TRPM4: variants seen among roughly 807,000 people sequenced by gnomAD.
TRPM4 encodes calcium-activated non-selective cation channel 1.
A neutral mutation model predicts 135.6 loss-of-function variants in TRPM4; 124 were observed. The ratio of observed to expected loss-of-function variants is 0.91; its 90% confidence interval spans 0.79 to 1.06. TRPM4 has a LOEUF of 1.06. Ranked by LOEUF, TRPM4 falls within the 50% of genes least tolerant of loss-of-function variation. The pLI, the probability that TRPM4 is intolerant of heterozygous loss-of-function variation, is 0.00. For missense variants in TRPM4, 1,658 were observed against 1,671.4 expected (o/e 0.99, Z 0.14); for synonymous variants, 745 against 705.6 (o/e 1.06, Z -0.88).
chr19:49,170,007 A>G (rs1568460973), intron 6 of TRPM4, among the ~76,000 whole-genome samples: 2 of 151,738 alleles, frequency 1.3e-5, no homozygotes, highest in African/African-American at 2.4e-5. Context: ...GGGTTTTCCA[A>G]TTTTCTGGGA....
intron 3 of TRPM4, among the ~76,000 whole-genome samples, chr19:49,166,910 CTGTTTCTCCGGGTCTCCGT>C (rs1967212452): frequency 6.7e-6 from 1 of 149,536 alleles, no homozygotes; most frequent in Non-Finnish European, 1.5e-5. Context: ...GGGTCTCTGT[CTGTTTCTCCGGGTCTCCGT>C]CCCTGTCTCT....
At chr19:49,169,999 G>A (rs1179120406) in intron 6 of TRPM4, among the ~76,000 whole-genome samples, 1 of 151,880 alleles carries the variant, frequency 6.6e-6, no homozygotes, top group South Asian at 2.1e-4. Flanking sequence ...TTTTGGTGGG[G>A]TTTTCCAATT....
chr19:49,189,081 A>T lies in TRPM4; in HGVS notation c.2009A>T (p.Asp670Val). 6.2e-7 allele frequency: 1 copy of T among 1,614,044 alleles called. No homozygotes were observed. Among genetic ancestry groups the T allele is most frequent in the Non-Finnish European group, 8.5e-7 (1 of 1,180,018 alleles). The change falls in exon 14 of 25, where the codon GAT (aspartate) becomes GTT (valine). Residue 670 changes from aspartate to valine, a missense_variant. This residue lies in a region of TRPM4 where 1,412 missense variants were observed against 1,408.7 expected (regional missense o/e 1.00). Transcript: ENST00000252826. ...QADARAFFAQ[D>V]GVQSLLTQKW... is the part of the protein sequence containing the mutation. Reference sequence around the variant, plus strand: ...GACGCCCGTGCCTTCTTTGCCCAGGATGGGGTACAGGTGAGTATCTGCGAC... The same window carrying T: ...GACGCCCGTGCCTTCTTTGCCCAGGTTGGGGTACAGGTGAGTATCTGCGAC...
chr19:49,200,698 G>T lies in TRPM4; in HGVS notation c.2866G>T (p.Asp956Tyr), dbSNP rs1968894169. ...CACGGAGGGGCTCCTGAGGCCACGG[G>T]ACAGTGACTTCCCAAGTATCCTGCG... ...VATEGLLRPRDSDFPSILRRV... is the reference protein window; with the variant it reads ...VATEGLLRPRYSDFPSILRRV... Residue 956 changes from aspartate (D) to tyrosine (Y), a missense_variant, in exon 19 of 25, where the codon GAC (aspartate) becomes TAC (tyrosine). Around this residue, in one of 3 missense-constraint regions of TRPM4, gnomAD observed 1,412 missense variants for 1,408.7 expected, o/e 1.00. Transcript: ENST00000252826. The T allele has an allele frequency of 6.2e-7, 1 of 1,614,094 alleles. No homozygotes were observed. Among genetic ancestry groups the T allele is most frequent in the Non-Finnish European group, 8.5e-7 (1 of 1,180,026 alleles).
intron 6 of TRPM4, among the ~76,000 whole-genome samples, chr19:49,169,891 C>G (rs547888972): frequency 1.3e-5 from 2 of 152,188 alleles, no homozygotes; most frequent in South Asian, 4.1e-4. Context: ...AAAACATGAA[C>G]AAGATACATT....
At chr19:49,208,176 G>A (rs997904605) in intron 20 of TRPM4, among the ~76,000 whole-genome samples, 2 of 152,162 alleles carry the variant, frequency 1.3e-5, no homozygotes, top group Admixed American at 1.3e-4. Context: ...GGCAGAGCCA[G>A]CTGTACAGAG....
chr19:49,181,849 G>A (rs1207471002), intron 10 of TRPM4, among the ~76,000 whole-genome samples: 1 of 151,724 alleles, frequency 6.6e-6, no homozygotes, highest in Non-Finnish European at 1.5e-5. Context: ...CTTCTTAGAC[G>A]CCCCTCAACC....
intron 20 of TRPM4, 45 bp downstream of exon 20, chr19:49,202,186 C>G (rs542605774): frequency 1.2e-6 from 2 of 1,605,248 alleles, no homozygotes; most frequent in Non-Finnish European, 1.7e-6. Context: ...CAGCATGACC[C>G]GTGGCCCTCT....
chr19:49,208,509 CTG>C (rs1391582931), intron 20 of TRPM4, among the ~76,000 whole-genome samples: 1 of 142,466 alleles, frequency 7.0e-6, no homozygotes, highest in Non-Finnish European at 1.5e-5. Flanking sequence ...GGCTCACACT[CTG>C]TCTTCTGGTC....
intron 17 of TRPM4, among the ~76,000 whole-genome samples, chr19:49,197,334 TTC>T (rs1428403317): frequency 1.5e-5 from 2 of 130,134 alleles, no homozygotes; most frequent in African/African-American, 4.0e-5. Flanking sequence ...CTTTCTTTCT[TTC>T]TTTCTTTCTT....
chr19:49,168,862 C>A, intron 6 of TRPM4, 126 bp downstream of exon 6: 1 of 1,076,082 alleles, frequency 9.3e-7, no homozygotes, highest in African/African-American at 1.6e-5. Context: ...CTTTCCCCGT[C>A]ATTATTCATG....
At chr19:49,202,882 T>TTC (rs1968989795) in intron 20 of TRPM4, among the ~76,000 whole-genome samples, 1 of 58,304 alleles carries the variant, frequency 1.7e-5, no homozygotes, top group African/African-American at 1.3e-4. Context: ...TTTTTACTTC[T>TTC]TTTTTTTTTT....
intron 20 of TRPM4, among the ~76,000 whole-genome samples, chr19:49,205,647 T>A (rs191501175): frequency 2.2e-3 from 323 of 150,070 alleles, no homozygotes; most frequent in Non-Finnish European, 3.6e-3. Context: ...GGGATTCTCC[T>A]GCCTCAGCCT....
chr19:49,183,327 C>T, intron 12 of TRPM4, 115 bp downstream of exon 12: 28 of 1,356,810 alleles, frequency 2.1e-5, no homozygotes, highest in Non-Finnish European at 2.5e-5. Context: ...ACAGGCGCCC[C>T]ATCCTCCGTC....
chr19:49,183,152 C>A lies in TRPM4; in HGVS notation c.1683C>A (p.Asp561Glu), dbSNP rs541736303. Residue 561 changes from aspartate (D) to glutamate (E), a missense_variant, in exon 12 of 25, where the codon GAC (aspartate) becomes GAA (glutamate). Transcript: ENST00000252826. ...GCCTCGGGCAGGCCCCCTGGAGCGA[C>A]CTGCTTCTTTGGGCACTGTTGCTGA... ...DAGLGQAPWS[D>E]LLLWALLLNR... 3 of 1,613,984 alleles carry A rather than the reference C, an allele frequency of 1.9e-6. No individual in the cohort carries two copies. The highest frequency in any genetic ancestry group is 1.7e-6 in the Non-Finnish European group (2 of 1,180,034).
chr19:49,195,649 C>T (rs1045931037), intron 16 of TRPM4, among the ~76,000 whole-genome samples: 1 of 151,004 alleles, frequency 6.6e-6, no homozygotes, highest in African/African-American at 2.4e-5. Flanking sequence ...GGATTACAAG[C>T]GTGAGCTAGC....
At position 49,157,939 on chromosome 19, in the gene TRPM4, C is replaced by T. The variant is rs778438039; in HGVS notation, c.24+49C>T. On this transcript the variant is annotated intron_variant, in intron 1 of 24. Transcript: ENST00000252826. ...GGGAGCGCGGAGCTGGGGACCTCGC[C>T]TCCAGGCTCCCAGAGAGGAGGGCGC... 13 of 1,526,908 alleles carry T rather than the reference C, an allele frequency of 8.5e-6. No individual in the cohort carries two copies. The East Asian group carries it at 1.5e-4, about 17-fold the overall frequency. The allele number at this position is 1,526,908 out of a possible 1,614,324, so 94.6% of individuals were successfully genotyped here. A position where few individuals can be genotyped will look rare whatever the true frequency, so the allele number is the denominator to read the frequency against.
chr19:49,168,666 C>T lies in TRPM4; in HGVS notation c.726C>T (p.Cys242=), dbSNP rs1327181077. 8.7e-6 allele frequency: 14 copies of T among 1,612,970 alleles called. No homozygotes were observed. Among genetic ancestry groups the T allele is most frequent in the Non-Finnish European group, 1.2e-5 (14 of 1,179,832 alleles). Residue 242 remains cysteine (C), a synonymous_variant, in exon 6 of 25, where the codon TGC becomes TGT. Transcript: ENST00000252826. The part of the protein sequence containing the change: ...FFLVDDGTHG[C]LGGENRFRLR... The stretch of plus-strand genomic sequence containing the variant: ...TGGTGGACGACGGCACACACGGCTG[C>T]CTGGGGGGCGAGAACCGCTTCCGCT...
intron 20 of TRPM4, among the ~76,000 whole-genome samples, chr19:49,206,787 G>A (rs112407705): frequency 0.056 from 8,477 of 152,218 alleles, 704 homozygotes; most frequent in African/African-American, 0.17. Flanking sequence ...AGATTGCTTC[G>A]GGTAGTATTG....
Sources: gnomAD v4.1 joint callset for allele counts (sites outside exome capture counted in the v4.1 genomes callset) on GRCh38, gnomAD v4.1.1 for gene constraint, gnomAD v4.1.1 regional missense constraint, MANE v1.5 for transcripts, NCBI Gene and HGNC (gene_info 2026-07-23, HGNC 2026-07-21) for gene names.